Variants in PRR13 observed in about 807,000 individuals in gnomAD.
PRR13 encodes the protein proline rich 13, also known as proline-rich protein 13.
In PRR13, 7 loss-of-function variants were observed where a neutral mutation model predicts 11.5. The ratio of observed to expected loss-of-function variants is 0.61; its 90% CI spans 0.34 to 1.14. The LOEUF is 1.14. PRR13 is among the 50% of genes most tolerant of loss of function. PRR13 has a pLI of 0.03. For missense variants in PRR13, 155 were observed against 194.4 expected, an observed-to-expected ratio of 0.80 and a Z score of 1.21; for synonymous variants, 53 against 67.8, an observed-to-expected ratio of 0.78 and a Z score of 1.07.
chr12:53,446,112 A>AG lies in PRR13; in HGVS notation c.*54dup. On this transcript the variant is annotated 3_prime_UTR_variant, in exon 4 of 4. Transcript: ENST00000429243. ...TCTCACCAGTTCTGCTCTCCCATCA[A>AG]GCTTCAGATGCCATGTTGTACTGGG... 6.2e-7 allele frequency: 1 copy of AG among 1,610,196 alleles called. No homozygotes were observed. Among genetic ancestry groups the AG allele is most frequent in the Non-Finnish European group, 8.5e-7 (1 of 1,179,880 alleles).
At position 53,441,745 on chromosome 12, in the gene PRR13, G is replaced by T. The variant is rs1940295032; in HGVS notation, c.-68G>T. 5 of 701,696 alleles carry T rather than the reference G, an allele frequency of 7.1e-6. No homozygotes were observed. In the East Asian group the frequency reaches 1.3e-4, roughly 19 times the overall value. 43.5% of individuals were successfully genotyped at this position (701,696 alleles called of 1,614,324 possible). On this transcript the variant is annotated 5_prime_UTR_variant, in exon 1 of 4. Coordinates refer to ENST00000429243, the MANE Select transcript of PRR13 (RefSeq NM_018457.4). ...CACGGGGTCTGGGTGACTAGGAAGA[G>T]CCGAGACTGCGAAGGAGAACGCAGC...
rs201409033 is a variant in PRR13, at chr12:53,442,707, A to T, written c.-8A>T. ...TCTTTCTCCTCAGGCTGGAGGACAC[A>T]CCTAAACATGTGGAATCCCAATGCC... On this transcript the variant is annotated 5_prime_UTR_variant, in exon 2 of 4. Coordinates refer to ENST00000429243, the MANE Select transcript of PRR13 (RefSeq NM_018457.4). 1 of 1,610,180 alleles carries T rather than the reference A, an allele frequency of 6.2e-7. No homozygotes were observed. Among genetic ancestry groups the T allele is most frequent in the Admixed American group, 1.7e-5 (1 of 59,962 alleles).
intron 2 of PRR13, 129 bp from the exon 3 acceptor site, chr12:53,443,262 C>T (rs916212238): frequency 9.7e-7 from 1 of 1,033,880 alleles, no homozygotes; most frequent in Admixed American, 3.5e-5. Flanking sequence ...TCTCCCCTAC[C>T]CTCCATTCTT....
At chr12:53,442,818 C>T in intron 2 of PRR13, 85 bp downstream of exon 2, 2 of 1,432,524 alleles carry the variant, frequency 1.4e-6, no homozygotes, top group Non-Finnish European at 2.0e-6. Flanking sequence ...GCTCCCCTAC[C>T]CCCGACCTGC....
chr12:53,445,127 G>A (rs1440424364), intron 3 of PRR13, among the ~76,000 whole-genome samples: 6 of 152,016 alleles, frequency 3.9e-5, no homozygotes, highest in African/African-American at 1.4e-4. Flanking sequence ...CGGGGCGGGC[G>A]GATCACGAGG....
At chr12:53,444,274 G>T (rs1304554043) in intron 3 of PRR13, among the ~76,000 whole-genome samples, 1 of 151,704 alleles carries the variant, frequency 6.6e-6, no homozygotes, top group Non-Finnish European at 1.5e-5. Context: ...AGCAGAAAAA[G>T]TGAGGACAAG....
intron 3 of PRR13, among the ~76,000 whole-genome samples, chr12:53,445,781 T>C (rs1024387319): frequency 6.6e-6 from 1 of 152,220 alleles, no homozygotes; most frequent in African/African-American, 2.4e-5. Context: ...ATATGTTAAA[T>C]TTTTTAAATT....
At chr12:53,443,938 A>G in intron 3 of PRR13, 165 bp downstream of exon 3, 1 of 859,696 alleles carries the variant, frequency 1.2e-6, no homozygotes, top group South Asian at 2.0e-5. Context: ...TACTGGGAAG[A>G]ATCTGATTAT....
chr12:53,443,259 TA>T, intron 2 of PRR13, 131 bp from the exon 3 acceptor site: 1 of 1,018,304 alleles, frequency 9.8e-7, no homozygotes, highest in Non-Finnish European at 1.3e-6. Context: ...TTGTCTCCCC[TA>T]CCCTCCATTC....
intron 1 of PRR13, 158 bp downstream of exon 1, chr12:53,441,950 T>A: frequency 1.6e-6 from 1 of 634,162 alleles, no homozygotes; most frequent in Admixed American, 2.7e-5. Flanking sequence ...CTTGGGCAAC[T>A]TCCTTCTTAC....
chr12:53,442,609 G>T, intron 1 of PRR13, 86 bp from the exon 2 acceptor site: 1 of 1,145,786 alleles, frequency 8.7e-7, no homozygotes, highest in East Asian at 2.4e-5. Context: ...ACTGTGGGGT[G>T]GAAGACGTTA....
chr12:53,444,350 G>A (rs868557619), intron 3 of PRR13, among the ~76,000 whole-genome samples: 2 of 141,170 alleles, frequency 1.4e-5, no homozygotes, highest in Middle Eastern at 3.8e-3. Context: ...TTTTTTTTGA[G>A]ACGGAGTCCC....
At chr12:53,442,494 C>T (rs772211344) in intron 1 of PRR13, 5 of 484,676 alleles carry the variant, frequency 1.0e-5, no homozygotes, top group Admixed American at 7.2e-5. Context: ...CCACCCGCCT[C>T]GGCCTCCCAA....
At position 53,441,737 on chromosome 12, in the gene PRR13, T is replaced by C. The variant is rs1940294703; in HGVS notation, c.-76T>C. On this transcript the variant is annotated 5_prime_UTR_variant, in exon 1 of 4. Transcript: ENST00000429243. The stretch of plus-strand genomic sequence containing the variant: ...TGCCGAAGCACGGGGTCTGGGTGAC[T>C]AGGAAGAGCCGAGACTGCGAAGGAG... 16 of 700,406 alleles carry C rather than the reference T, an allele frequency of 2.3e-5. No individual in the cohort carries two copies. The highest frequency in any genetic ancestry group is 2.2e-4 in the South Asian group (15 of 67,450). 43.4% of individuals were successfully genotyped at this position (700,406 alleles called of 1,614,324 possible). A position where few individuals can be genotyped will look rare whatever the true frequency, so the allele number is the denominator to read the frequency against.
At chr12:53,442,628 C>A in intron 1 of PRR13, 67 bp from the exon 2 acceptor site, 1 of 1,399,048 alleles carries the variant, frequency 7.1e-7, no homozygotes, top group Non-Finnish European at 1.0e-6. Context: ...TAGGGCTGGG[C>A]TCCGGTGCTA....
chr12:53,446,076 C>T lies in PRR13; in HGVS notation c.*17C>T, dbSNP rs762186360. 2 of 1,613,032 alleles carry T rather than the reference C, an allele frequency of 1.2e-6. No individual in the cohort carries two copies. Among genetic ancestry groups the T allele is most frequent in the Non-Finnish European group, 1.7e-6 (2 of 1,180,026 alleles). ...TCTGACTGAATACAGGCCCTGGACC[C>T]TTCCCTCAAGTCTCACCAGTTCTGC... On this transcript the variant is annotated 3_prime_UTR_variant, in exon 4 of 4. Coordinates refer to ENST00000429243, the MANE Select transcript of PRR13 (RefSeq NM_018457.4).
At chr12:53,445,392 G>A (rs954926995) in intron 3 of PRR13, among the ~76,000 whole-genome samples, 60 of 151,038 alleles carry the variant, frequency 4.0e-4, no homozygotes, top group Non-Finnish European at 7.5e-4. Flanking sequence ...AGAGAATTGA[G>A]ATTTAGTGGG....
In PRR13 at chr12:53,442,749, T is replaced by C. The variant is rs200770169; in HGVS notation, c.19+16T>C. 705 of 1,606,006 alleles carry C rather than the reference T, an allele frequency of 4.4e-4. 3 individuals carry two copies. The African/African-American group carries it at 8.2e-3, about 19-fold the overall frequency. ...CCCAATGCCGGTAGGTGTTTGGGGG[T>C]TCTGTTCCACCCCTAACCCTTTTTC... On this transcript the variant is annotated intron_variant, in intron 2 of 3. Coordinates refer to ENST00000429243, the MANE Select transcript of PRR13 (RefSeq NM_018457.4).
intron 1 of PRR13, chr12:53,442,454 A>G (rs868405340): frequency 7.6e-6 from 3 of 393,386 alleles, no homozygotes; most frequent in Non-Finnish European, 1.4e-5. Flanking sequence ...GATGTTGGCC[A>G]GGCTGGTCTC....
Sources: allele counts gnomAD v4.1 joint callset (sites outside exome capture counted in the v4.1 genomes callset), GRCh38; gene constraint gnomAD v4.1.1; transcripts MANE v1.5; gene names NCBI Gene and HGNC (gene_info 2026-07-23, HGNC 2026-07-21).